The following WWOX variants were observed in gnomAD, a reference collection of about 807,000 sequenced individuals.
The protein encoded by WWOX is WW domain containing oxidoreductase, also known as WW domain-containing oxidoreductase.
In WWOX, 69 loss-of-function variants were observed where a neutral mutation model predicts 46.2. That is an observed-to-expected ratio of 1.49 (90% CI 1.23 to 1.82). The LOEUF is 1.82. Among genes scored for constraint, WWOX ranks in the 40% most tolerant of loss-of-function variants. WWOX has a pLI of 0.00. For synonymous variants in WWOX, 359 were observed against 202.6 expected (o/e 1.77, Z -6.56); for missense variants, 919 against 542.6 (o/e 1.69, Z -6.89).
intron 1 of WWOX, among the ~76,000 whole-genome samples, chr16:78,107,555 A>G (rs2032227868): frequency 1.3e-5 from 2 of 152,202 alleles, no homozygotes; most frequent in African/African-American, 4.8e-5. Context: ...ACTTGACCAA[A>G]GGTGCACAGC....
intron 8 of WWOX, among the ~76,000 whole-genome samples, chr16:79,189,465 G>GTT (rs1567607031): frequency 6.1e-5 from 9 of 147,246 alleles, no homozygotes; most frequent in African/African-American, 2.1e-4. Flanking sequence ...GTGTGTGTGT[G>GTT]TGTGTGTGTG....
intron 8 of WWOX, among the ~76,000 whole-genome samples, chr16:79,022,483 C>G (rs2047553802): frequency 6.6e-6 from 1 of 151,584 alleles, no homozygotes; most frequent in Non-Finnish European, 1.5e-5. Context: ...ACAGCCTTTT[C>G]TCGGAGGAGC....
intron 8 of WWOX, among the ~76,000 whole-genome samples, chr16:79,172,379 T>A (rs1376780008): frequency 6.6e-6 from 1 of 152,172 alleles, no homozygotes. Context: ...GCAGCCCTTT[T>A]AAACCTGTAT....
intron 5 of WWOX, among the ~76,000 whole-genome samples, chr16:78,166,437 G>A (rs1307057853): frequency 1.3e-5 from 2 of 152,258 alleles, no homozygotes; most frequent in South Asian, 2.1e-4. Flanking sequence ...CTTTATTTAC[G>A]TATTTGTGAG....
At chr16:79,039,887 A>G (rs1416284249) in intron 8 of WWOX, among the ~76,000 whole-genome samples, 2 of 152,134 alleles carry the variant, frequency 1.3e-5, no homozygotes, top group East Asian at 1.9e-4. Flanking sequence ...GCCACATTCC[A>G]TGGACTGATA....
intron 8 of WWOX, among the ~76,000 whole-genome samples, chr16:79,038,966 G>A (rs1486051557): frequency 6.6e-6 from 1 of 152,026 alleles, no homozygotes; most frequent in Non-Finnish European, 1.5e-5. Flanking sequence ...TTGCCCCTAG[G>A]ATCATTTTTT....
intron 8 of WWOX, among the ~76,000 whole-genome samples, chr16:79,104,862 C>T (rs2049276226): frequency 6.6e-6 from 1 of 152,152 alleles, no homozygotes; most frequent in Admixed American, 6.6e-5. Flanking sequence ...CCAAAGGTGT[C>T]CAAACCTCGA....
chr16:78,551,291 G>C (rs1439845160), intron 8 of WWOX: 1 of 152,168 alleles, frequency 6.6e-6, no homozygotes, highest in Non-Finnish European at 1.5e-5. Flanking sequence ...GTGATCTTTA[G>C]ATATCTCGTC....
chr16:79,173,588 C>G (rs1292655231), intron 8 of WWOX, among the ~76,000 whole-genome samples: 1 of 151,754 alleles, frequency 6.6e-6, no homozygotes, highest in Non-Finnish European at 1.5e-5. Flanking sequence ...GTCAAAGCCA[C>G]TGGAAATAAC....
chr16:78,802,644 C>T (rs183020050), intron 8 of WWOX, among the ~76,000 whole-genome samples: 7 of 151,814 alleles, frequency 4.6e-5, no homozygotes, highest in South Asian at 4.2e-4. Context: ...GGCTGGCCAC[C>T]GTGCCTCATG....
At chr16:79,072,169 C>T (rs1481618316) in intron 8 of WWOX, among the ~76,000 whole-genome samples, 3 of 151,936 alleles carry the variant, frequency 2.0e-5, no homozygotes, top group African/African-American at 7.3e-5. Flanking sequence ...GCCTGTAGTC[C>T]TAGCTACTCA....
intron 8 of WWOX, among the ~76,000 whole-genome samples, chr16:79,053,022 A>T (rs1232673012): frequency 6.6e-6 from 1 of 151,970 alleles, no homozygotes; most frequent in African/African-American, 2.4e-5. Context: ...AGCAGGTGGG[A>T]ACAGGGTTAC....
At chr16:79,201,879 TTA>T (rs1321587875) in intron 8 of WWOX, among the ~76,000 whole-genome samples, 3 of 152,206 alleles carry the variant, frequency 2.0e-5, no homozygotes, top group African/African-American at 4.8e-5. Flanking sequence ...GTTCACCTGT[TTA>T]TTTCATGACA....
intron 8 of WWOX, among the ~76,000 whole-genome samples, chr16:78,733,942 C>T (rs1182291103): frequency 6.6e-6 from 1 of 151,312 alleles, no homozygotes; most frequent in Non-Finnish European, 1.5e-5. Flanking sequence ...CACCTGTGGT[C>T]CCAGGTAGTT....
At chr16:78,831,298 TG>T (rs2051816112) in intron 8 of WWOX, among the ~76,000 whole-genome samples, 1 of 152,356 alleles carries the variant, frequency 6.6e-6, no homozygotes, top group African/African-American at 2.4e-5. Context: ...TTTAGGCTCC[TG>T]GAGGATTGAT....
chr16:78,650,264 A>AT, intron 8 of WWOX, among the ~76,000 whole-genome samples: 1 of 152,356 alleles, frequency 6.6e-6, no homozygotes, highest in East Asian at 1.9e-4. Context: ...TTCAGGACTT[A>AT]CTTTGAAGAT....
intron 5 of WWOX, among the ~76,000 whole-genome samples, chr16:78,217,601 G>A (rs2036763838): frequency 6.6e-6 from 1 of 152,096 alleles, no homozygotes; most frequent in Non-Finnish European, 1.5e-5. Flanking sequence ...AATAGAGACC[G>A]AGAAACTTAA....
intron 8 of WWOX, among the ~76,000 whole-genome samples, chr16:78,571,191 A>G (rs936018668): frequency 6.6e-6 from 1 of 152,216 alleles, no homozygotes; most frequent in Admixed American, 6.5e-5. Context: ...CTAAATGTTA[A>G]TAATGCAGAC....
intron 5 of WWOX, among the ~76,000 whole-genome samples, chr16:78,372,171 C>A (rs775174593): frequency 1.3e-5 from 2 of 152,198 alleles, no homozygotes; most frequent in Non-Finnish European, 2.9e-5. Context: ...ACAGTTCTCA[C>A]ATCTGGACAA....
Sources: gnomAD v4.1 joint callset for allele counts (sites outside exome capture counted in the v4.1 genomes callset) on GRCh38, gnomAD v4.1.1 for gene constraint, MANE v1.5 for transcripts, NCBI Gene and HGNC (gene_info 2026-07-23, HGNC 2026-07-21) for gene names.